The following BACE1-AS variants were observed in gnomAD, a reference collection of about 807,000 sequenced individuals.
The protein encoded by BACE1-AS is BACE1 antisense RNA (non-protein coding).
At chr11:117,292,008 C>G (rs2134448907) in intron 2 of BACE1-AS, 1 of 432,300 alleles carries the variant, frequency 2.3e-6, no homozygotes, top group South Asian at 3.3e-5. Context: ...ATAGCACCTA[C>G]CTCAAAGGGT....
chr11:117,291,586 T>C, intron 1 of BACE1-AS: 1 of 657,506 alleles, frequency 1.5e-6, no homozygotes, highest in East Asian at 3.1e-5. Flanking sequence ...AGGGGAAGAG[T>C]GTTTTAAGAG....
intron 1 of BACE1-AS, chr11:117,291,610 G>A (rs1226831429): frequency 1.2e-6 from 1 of 822,270 alleles, no homozygotes; most frequent in Admixed American, 2.0e-5. Context: ...TGAGTAGAAG[G>A]GTCTAAGTGC....
exon 2 of BACE1-AS, chr11:117,291,738 C>T (rs767280509): frequency 2.5e-6 from 4 of 1,613,396 alleles, no homozygotes; most frequent in South Asian, 2.2e-5. Flanking sequence ...ATGGATTTGA[C>T]TGCAGCTTCA....
chr11:117,291,933 G>C, intron 2 of BACE1-AS: 1 of 625,338 alleles, frequency 1.6e-6, no homozygotes, highest in Non-Finnish European at 3.0e-6. Flanking sequence ...CACCTCCTAA[G>C]TGTACCTGCT....
chr11:117,291,896 C>G, intron 2 of BACE1-AS: 2 of 1,036,536 alleles, frequency 1.9e-6, no homozygotes, highest in Non-Finnish European at 1.5e-6. Context: ...TGCTGGGGCC[C>G]CAGCTGGGTT....
chr11:117,291,576 A>G, intron 1 of BACE1-AS: 1 of 611,730 alleles, frequency 1.6e-6, no homozygotes, highest in Non-Finnish European at 2.9e-6. Context: ...ACGCCTGGCT[A>G]GGGGAAGAGT....
At chr11:117,292,072 C>A in intron 2 of BACE1-AS, 1 of 230,816 alleles carries the variant, frequency 4.3e-6, no homozygotes, top group Non-Finnish European at 8.4e-6. Context: ...TCGTGCCCAG[C>A]AGAGAGAAGG....
intron 2 of BACE1-AS, chr11:117,291,988 G>C (rs1179508140): frequency 8.3e-6 from 4 of 479,096 alleles, no homozygotes; most frequent in Non-Finnish European, 1.5e-5. Flanking sequence ...TCTCTAAAGT[G>C]AGGATAAAAA....
chr11:117,291,760 G>A (rs1391381303), exon 2 of BACE1-AS: 1 of 1,613,526 alleles, frequency 6.2e-7, no homozygotes. Context: ...ACACTTTCTT[G>A]GGCAAACGAA....
At position 117,291,711 on chromosome 11, in the gene BACE1-AS, C is replaced by T. The variant is rs147542312; in HGVS notation, n.65C>T. ...TTTACCCCCATCCTTAGTCCACTCA[C>T]GGAGGAGGCTGCCTTGATGGATTTG... On this transcript the variant is annotated non_coding_transcript_exon_variant, in exon 2 of 4. Transcript: ENST00000614401. 4.3e-5 allele frequency: 70 copies of T among 1,609,444 alleles called. No homozygotes were observed. The highest frequency in any genetic ancestry group is 3.3e-4 in the Middle Eastern group (2 of 6,072).
chr11:117,291,878 G>A (rs2034449927), intron 2 of BACE1-AS: 2 of 1,279,168 alleles, frequency 1.6e-6, no homozygotes, highest in African/African-American at 1.5e-5. Flanking sequence ...TGGGCAGTAG[G>A]GGGTTACTGC....
chr11:117,291,568 G>C, intron 1 of BACE1-AS: 1 of 583,638 alleles, frequency 1.7e-6, no homozygotes, highest in Non-Finnish European at 3.0e-6. Context: ...GAGCCACCAC[G>C]CCTGGCTAGG....
chr11:117,291,397 C>G (rs1440629204), intron 1 of BACE1-AS, among the ~76,000 whole-genome samples: 1 of 152,060 alleles, frequency 6.6e-6, no homozygotes, highest in Non-Finnish European at 1.5e-5. Flanking sequence ...CCTGTCTCAG[C>G]CCCCTGAGTA....
At chr11:117,291,401 CT>C (rs1483006076) in intron 1 of BACE1-AS, among the ~76,000 whole-genome samples, 1 of 152,134 alleles carries the variant, frequency 6.6e-6, no homozygotes, top group East Asian at 1.9e-4. Flanking sequence ...TCTCAGCCCC[CT>C]GAGTAGCTAG....
intron 2 of BACE1-AS, chr11:117,292,007 A>G (rs2034453820): frequency 2.3e-6 from 1 of 439,266 alleles, no homozygotes; most frequent in African/African-American, 2.0e-5. Context: ...AATAGCACCT[A>G]CCTCAAAGGG....
intron 2 of BACE1-AS, chr11:117,291,869 G>A (rs1180510982): frequency 1.3e-5 from 17 of 1,340,528 alleles, no homozygotes; most frequent in Non-Finnish European, 1.8e-5. Context: ...GCTGGGCTCT[G>A]GGCAGTAGGG....
chr11:117,292,091 AAATGTTTAT>A (rs1407856569), intron 2 of BACE1-AS: 2 of 204,664 alleles, frequency 9.8e-6, no homozygotes, highest in African/African-American at 4.6e-5. Context: ...GGCACTTGGT[AAATGTTTAT>A]TCTTGTTAAT....
rs888590609 is a variant in BACE1-AS at position 117,292,063 on chromosome 11, C to T, written n.126-148C>T. The T allele has an allele frequency of 6.4e-5, 16 of 249,814 alleles. No individual in the cohort carries two copies. The Admixed American group carries it at 6.6e-4, about 10-fold the overall frequency. The allele number at this position is 249,814 out of a possible 1,614,324, so 15.5% of individuals were successfully genotyped here. A position where few individuals can be genotyped will look rare whatever the true frequency, so the allele number is the denominator to read the frequency against. On this transcript the variant is annotated intron_variant and non_coding_transcript_variant, in intron 2 of 3. Coordinates refer to ENST00000614401, the Ensembl canonical transcript of BACE1-AS. ...ATCAGCAATGTAAAGCACTTAGAATCGTGCCCAGCAGAGAGAAGGCACTTG... is the reference window on the plus strand; with the variant it reads ...ATCAGCAATGTAAAGCACTTAGAATTGTGCCCAGCAGAGAGAAGGCACTTG...
chr11:117,291,680 ATC>A (rs1315391332), intron 1 of BACE1-AS: 2 of 1,494,736 alleles, frequency 1.3e-6, no homozygotes, highest in Admixed American at 3.3e-5. Context: ...ACACTGTACC[ATC>A]TCTTTTACCC....
Sources: gnomAD v4.1 joint callset for allele counts (sites outside exome capture counted in the v4.1 genomes callset) on GRCh38, gnomAD v4.1.1 for gene constraint, MANE v1.5 for transcripts, NCBI Gene and HGNC (gene_info 2026-07-23, HGNC 2026-07-21) for gene names.